VAT1L: variants seen among roughly 807,000 people sequenced by gnomAD.
VAT1L encodes vesicle amine transport 1 like.
VAT1L carries 34 observed loss-of-function variants against 44.1 expected under a neutral mutation model. The observed-to-expected ratio is 0.77, with a 90% confidence interval of 0.59 to 1.03. VAT1L has a LOEUF of 1.03. Ranked by LOEUF, VAT1L falls within the 50% of genes least tolerant of loss-of-function variation. The pLI is 0.00. For synonymous variants in VAT1L, 253 were observed against 202.2 expected, an observed-to-expected ratio of 1.25 and a Z score of -2.13; for missense variants, 615 against 538.8, an observed-to-expected ratio of 1.14 and a Z score of -1.40.
intron 7 of VAT1L, among the ~76,000 whole-genome samples, chr16:77,925,611 G>A (rs1435220154): frequency 6.6e-6 from 1 of 152,128 alleles, no homozygotes; most frequent in East Asian, 1.9e-4. Flanking sequence ...AACTCAGCAG[G>A]AGATGAGACT....
intron 3 of VAT1L, among the ~76,000 whole-genome samples, chr16:77,856,637 TC>T (rs763069951): frequency 3.1e-4 from 47 of 152,204 alleles, no homozygotes; most frequent in Non-Finnish European, 5.1e-4. Flanking sequence ...GTTACCACAG[TC>T]CCTGGATTCC....
At chr16:77,853,662 G>A (rs950055368) in intron 3 of VAT1L, among the ~76,000 whole-genome samples, 1 of 152,094 alleles carries the variant, frequency 6.6e-6, no homozygotes, top group African/African-American at 2.4e-5. Context: ...GGAAGTTTCT[G>A]ATTCCATAAG....
intron 8 of VAT1L, among the ~76,000 whole-genome samples, chr16:77,975,655 A>G (rs1035846449): frequency 2.0e-5 from 3 of 152,252 alleles, no homozygotes; most frequent in Non-Finnish European, 4.4e-5. Context: ...TGGCAGCTCC[A>G]GAAGTAAATT....
chr16:77,800,621 A>G (rs2145212962), intron 1 of VAT1L: 1 of 152,040 alleles, frequency 6.6e-6, no homozygotes, highest in South Asian at 2.1e-4. Context: ...TTCTTTTCCC[A>G]CTGCCATACA....
intron 3 of VAT1L, among the ~76,000 whole-genome samples, chr16:77,831,737 T>C (rs1301324031): frequency 2.2e-4 from 34 of 152,202 alleles, no homozygotes; most frequent in Admixed American, 2.2e-3. Flanking sequence ...ATGGAAAAAC[T>C]GATGGAATCA....
At chr16:77,935,701 C>T (rs910456327) in intron 7 of VAT1L, among the ~76,000 whole-genome samples, 1 of 152,044 alleles carries the variant, frequency 6.6e-6, no homozygotes, top group Non-Finnish European at 1.5e-5. Flanking sequence ...GCAGTGATTG[C>T]TGACTGCAGG....
chr16:77,836,781 C>G (rs921303573), intron 3 of VAT1L, among the ~76,000 whole-genome samples: 1 of 152,128 alleles, frequency 6.6e-6, no homozygotes, highest in African/African-American at 2.4e-5. Flanking sequence ...ATCTCCTTGA[C>G]CGTAAATCAT....
chr16:77,946,173 C>A (rs2435077), intron 7 of VAT1L, among the ~76,000 whole-genome samples: 64,231 of 151,600 alleles, frequency 0.42, 13,783 homozygotes, highest in Middle Eastern at 0.53. Flanking sequence ...CCCTCTTGTA[C>A]ACTCATAAGC....
rs117511678 is a variant in VAT1L, at chr16:77,953,655, G to C, written c.1078-18195G>C. Among the ~76,000 whole-genome samples, 72 of 152,170 alleles carry C rather than the reference G, an allele frequency of 4.7e-4. 1 individual carries two copies. The East Asian group carries it at 0.013, about 27-fold the overall frequency. On this transcript the variant is annotated intron_variant, in intron 7 of 8. Transcript: ENST00000302536. Reference sequence around the variant, plus strand: ...TCCTGGGGGCTCAGCCTCCCAAATAGCTAGGATTACAGGTGCGTGCCACCA... The same window carrying C: ...TCCTGGGGGCTCAGCCTCCCAAATACCTAGGATTACAGGTGCGTGCCACCA...
rs2017308314 is a variant in VAT1L, at chr16:77,895,100, C to CACACACACACACACACACACACA, written c.1077+10298_1077+10299insACACACACACACACACACACACA. Among the ~76,000 whole-genome samples the CACACACACACACACACACACACA allele has an allele frequency of 1.2e-3, 173 of 145,248 alleles. 1 individual carries two copies. The highest frequency in any genetic ancestry group is 3.7e-3 in the African/African-American group (142 of 38,324). On this transcript the variant is annotated intron_variant, in intron 7 of 8. Coordinates refer to ENST00000302536, the MANE Select transcript of VAT1L (RefSeq NM_020927.3). ...CAACGTGATCACCCCAGCCACTTGC[C>CACACACACACACACACACACACA]CACACACACACACACACTCACACAT...
chr16:77,930,012 A>C (rs1251910226), intron 7 of VAT1L, among the ~76,000 whole-genome samples: 1 of 152,052 alleles, frequency 6.6e-6, no homozygotes, highest in Non-Finnish European at 1.5e-5. Context: ...TCCAGAAAAG[A>C]TGTCTTATTT....
chr16:77,908,681 C>T (rs190976378), intron 7 of VAT1L, among the ~76,000 whole-genome samples: 76 of 151,978 alleles, frequency 5.0e-4, no homozygotes, highest in African/African-American at 1.7e-3. Context: ...TTTGGGAGGC[C>T]GAGATGGGCA....
At chr16:77,888,619 A>G (rs2017232127) in intron 7 of VAT1L, among the ~76,000 whole-genome samples, 1 of 152,164 alleles carries the variant, frequency 6.6e-6, no homozygotes, top group African/African-American at 2.4e-5. Flanking sequence ...GGGCTGAATA[A>G]TTTTTTTGCT....
At chr16:77,953,705 A>C (rs1597118963) in intron 7 of VAT1L, among the ~76,000 whole-genome samples, 1 of 152,162 alleles carries the variant, frequency 6.6e-6, no homozygotes, top group East Asian at 1.9e-4. Flanking sequence ...TTCATTGCCC[A>C]AGCTGGTCTG....
intron 7 of VAT1L, among the ~76,000 whole-genome samples, chr16:77,952,773 G>A (rs2018058516): frequency 6.8e-6 from 1 of 147,594 alleles, no homozygotes; most frequent in Non-Finnish European, 1.5e-5. Flanking sequence ...CAGGAGAATC[G>A]TTTGACCTGG....
intron 3 of VAT1L, among the ~76,000 whole-genome samples, chr16:77,826,276 T>A (rs1045858749): frequency 2.6e-5 from 4 of 151,926 alleles, no homozygotes; most frequent in Non-Finnish European, 5.9e-5. Context: ...GTTGTGTCAA[T>A]CATTGTAAGA....
intron 7 of VAT1L, among the ~76,000 whole-genome samples, chr16:77,942,295 C>T (rs951670382): frequency 3.9e-5 from 6 of 152,104 alleles, no homozygotes; most frequent in South Asian, 4.2e-4. Flanking sequence ...TTCACTATCA[C>T]GTGAACAGCA....
chr16:77,850,524 T>C (rs2142432961), intron 3 of VAT1L, among the ~76,000 whole-genome samples: 1 of 152,310 alleles, frequency 6.6e-6, no homozygotes, highest in East Asian at 1.9e-4. Context: ...ACACAGTTTA[T>C]GCCTGTTGAT....
intron 7 of VAT1L, among the ~76,000 whole-genome samples, chr16:77,929,208 CTT>C (rs1355019617): frequency 6.6e-6 from 1 of 152,166 alleles, no homozygotes; most frequent in Non-Finnish European, 1.5e-5. Context: ...CGACATTTTT[CTT>C]TGTCTCCAGA....
Sources: allele counts gnomAD v4.1 joint callset (sites outside exome capture counted in the v4.1 genomes callset), GRCh38; gene constraint gnomAD v4.1.1; transcripts MANE v1.5; gene names NCBI Gene and HGNC (gene_info 2026-07-23, HGNC 2026-07-21).